The following FNDC3A variants were observed in gnomAD, a reference collection of about 807,000 sequenced individuals.
The protein encoded by FNDC3A is fibronectin type III domain containing 3A.
FNDC3A carries 32 observed loss-of-function variants against 148.9 expected under a neutral mutation model. That is an observed-to-expected ratio of 0.21 (90% CI 0.16 to 0.29). FNDC3A has a LOEUF of 0.29. Among genes scored for constraint, FNDC3A ranks in the 10% least tolerant of loss-of-function variants. The pLI is 1.00. For synonymous variants in FNDC3A, 472 were observed against 473.6 expected, an observed-to-expected ratio of 1.00 and a Z score of 0.04; for missense variants, 1,191 against 1,452.8, an observed-to-expected ratio of 0.82 and a Z score of 2.93.
At position 49,038,157 on chromosome 13, in the gene FNDC3A, C is replaced by T. The variant is rs186319796; in HGVS notation, c.99+31868C>T. Among the ~76,000 whole-genome samples the T allele has an allele frequency of 1.3e-3, 203 of 152,220 alleles. 1 individual carries two copies. Among genetic ancestry groups the T allele is most frequent in the African/African-American group, 4.6e-3 (192 of 41,534 alleles). On this transcript the variant is annotated intron_variant, in intron 2 of 25. Transcript: ENST00000492622. Reference sequence around the variant, plus strand: ...GCTCCTTCTCTGTGACACGTTCTGCCGTTTGTCTGCTCATCTCCTTCTGGA... The same window carrying T: ...GCTCCTTCTCTGTGACACGTTCTGCTGTTTGTCTGCTCATCTCCTTCTGGA...
At chr13:49,131,395 C>A in intron 5 of FNDC3A, 21 bp downstream of exon 5, 1 of 1,500,838 alleles carries the variant, frequency 6.7e-7, no homozygotes, top group South Asian at 1.1e-5. Flanking sequence ...TAAAAGTATT[C>A]CACTGTTATT....
chr13:49,073,302 A>C (rs573806287), intron 2 of FNDC3A, among the ~76,000 whole-genome samples: 1 of 152,258 alleles, frequency 6.6e-6, no homozygotes, highest in Non-Finnish European at 1.5e-5. Context: ...ACACTTAAAA[A>C]CCCAAAAGAT....
At chr13:49,126,218 G>A (rs1348288023) in intron 4 of FNDC3A, among the ~76,000 whole-genome samples, 2 of 151,298 alleles carry the variant, frequency 1.3e-5, no homozygotes, top group African/African-American at 4.9e-5. Flanking sequence ...TTCTTGTCTG[G>A]CTTTTTTTTT....
rs181339258 is a variant in FNDC3A at position 49,077,319 on chromosome 13, A to G, written c.175+1955A>G. 2.6e-5 allele frequency among the ~76,000 whole-genome samples: 4 copies of G among 152,298 alleles called. No homozygotes were observed. The East Asian group carries it at 5.8e-4, about 22-fold the overall frequency. On this transcript the variant is annotated intron_variant, in intron 3 of 25. Coordinates refer to ENST00000492622, the MANE Select transcript of FNDC3A (RefSeq NM_001079673.2). Reference sequence around the variant, plus strand: ...AGAGCATTGGAGATGAGGTGTCTGTATACTTTGTCATCTTTCAAACTGGAA... The same window carrying G: ...AGAGCATTGGAGATGAGGTGTCTGTGTACTTTGTCATCTTTCAAACTGGAA...
chr13:49,038,087 C>T (rs1197692192), intron 2 of FNDC3A, among the ~76,000 whole-genome samples: 2 of 152,108 alleles, frequency 1.3e-5, no homozygotes, highest in Non-Finnish European at 2.9e-5. Context: ...ATCCAGCGGC[C>T]GATCTCTTCT....
At chr13:49,010,828 C>T (rs1952326012) in intron 2 of FNDC3A, among the ~76,000 whole-genome samples, 1 of 152,162 alleles carries the variant, frequency 6.6e-6, no homozygotes, top group Non-Finnish European at 1.5e-5. Context: ...GTAGTTTTAT[C>T]TATATATACT....
chr13:49,149,069 C>G (rs1883145994), intron 8 of FNDC3A, among the ~76,000 whole-genome samples: 1 of 151,030 alleles, frequency 6.6e-6, no homozygotes, highest in Non-Finnish European at 1.5e-5. Context: ...CTGCAACTTA[C>G]TGAATTTATT....
chr13:49,007,890 TG>T (rs1348884563), intron 2 of FNDC3A, among the ~76,000 whole-genome samples: 2 of 152,112 alleles, frequency 1.3e-5, no homozygotes, highest in African/African-American at 4.8e-5. Context: ...GCAGGTTGCG[TG>T]TAGTTCGGTA....
At chr13:49,206,984 GC>G in intron 25 of FNDC3A, 96 bp from the exon 26 acceptor site, 2 of 792,448 alleles carry the variant, frequency 2.5e-6, no homozygotes, top group Non-Finnish European at 4.1e-6. Flanking sequence ...GCATTCACTG[GC>G]TTTCACATGA....
intron 1 of FNDC3A, among the ~76,000 whole-genome samples, chr13:48,983,741 T>G (rs1402730705): frequency 3.9e-5 from 6 of 152,220 alleles, no homozygotes; most frequent in Non-Finnish European, 5.9e-5. Flanking sequence ...ATCAGTTTAC[T>G]TAAGCCTTAA....
intron 2 of FNDC3A, chr13:49,046,150 T>G: frequency 1.3e-5 from 2 of 157,512 alleles, no homozygotes; most frequent in Non-Finnish European, 2.8e-5. Context: ...TCATGTAAAG[T>G]ATCAGAATCT....
At chr13:49,197,640 A>T (rs1008866243) in intron 20 of FNDC3A, 85 bp from the exon 21 acceptor site, 1 of 1,089,088 alleles carries the variant, frequency 9.2e-7, no homozygotes, top group Non-Finnish European at 1.3e-6. Flanking sequence ...CTAGTTTTAC[A>T]TGTGCTCAGG....
intron 3 of FNDC3A, among the ~76,000 whole-genome samples, chr13:49,108,786 C>G (rs1366770365): frequency 6.6e-6 from 1 of 152,086 alleles, no homozygotes; most frequent in African/African-American, 2.4e-5. Flanking sequence ...TCTGTTGAGA[C>G]CAGGAGACTC....
intron 3 of FNDC3A, among the ~76,000 whole-genome samples, chr13:49,076,573 A>T (rs565481992): frequency 6.6e-6 from 1 of 152,126 alleles, no homozygotes; most frequent in African/African-American, 2.4e-5. Context: ...CATCATTAAA[A>T]TTCTTATTCC....
At chr13:48,999,484 A>G (rs144030361) in intron 1 of FNDC3A, among the ~76,000 whole-genome samples, 98 of 152,274 alleles carry the variant, frequency 6.4e-4, no homozygotes, top group African/African-American at 2.0e-3. Context: ...ACCTTCACCC[A>G]TATCTGATTT....
intron 8 of FNDC3A, among the ~76,000 whole-genome samples, chr13:49,159,783 G>T (rs1294480760): frequency 3.3e-5 from 5 of 152,148 alleles, no homozygotes; most frequent in Admixed American, 1.3e-4. Context: ...TATTTTGAGA[G>T]ACGTCCCATC....
intron 2 of FNDC3A, among the ~76,000 whole-genome samples, chr13:49,042,579 C>T (rs1201606450): frequency 1.3e-5 from 2 of 151,918 alleles, no homozygotes; most frequent in African/African-American, 4.8e-5. Context: ...AATTTAAGAC[C>T]AGCCTAGGCA....
intron 8 of FNDC3A, among the ~76,000 whole-genome samples, chr13:49,158,800 G>C (rs1290530771): frequency 6.6e-6 from 1 of 152,100 alleles, no homozygotes; most frequent in Non-Finnish European, 1.5e-5. Flanking sequence ...TTTTGTATAA[G>C]GTGTAAGGAA....
intron 4 of FNDC3A, among the ~76,000 whole-genome samples, chr13:49,121,317 A>G (rs1317684752): frequency 1.3e-5 from 2 of 152,216 alleles, no homozygotes; most frequent in East Asian, 1.9e-4. Flanking sequence ...GACACAACAT[A>G]CCGGAATCTT....
Sources: gnomAD v4.1 joint callset for allele counts (sites outside exome capture counted in the v4.1 genomes callset) on GRCh38, gnomAD v4.1.1 for gene constraint, MANE v1.5 for transcripts, NCBI Gene and HGNC (gene_info 2026-07-23, HGNC 2026-07-21) for gene names.